The following CCDC191 variants were observed in gnomAD, a reference collection of about 807,000 sequenced individuals.
The protein encoded by CCDC191 is coiled-coil domain containing 191, also known as coiled-coil domain-containing protein 191.
A neutral mutation model predicts 114.0 loss-of-function variants in CCDC191; 99 were observed. That is an observed-to-expected ratio of 0.87 (90% confidence interval 0.74 to 1.03). CCDC191 has a LOEUF of 1.03. Ranked by LOEUF, CCDC191 falls within the 50% of genes least tolerant of loss-of-function variation. The probability of loss-of-function intolerance (pLI) is 0.00; values close to 1 mark genes in which losing one functional copy is unlikely to be tolerated. For synonymous variants in CCDC191, 351 were observed against 376.0 expected, an observed-to-expected ratio of 0.93 and a Z score of 0.77; for missense variants, 973 against 1,087.0, an observed-to-expected ratio of 0.90 and a Z score of 1.47.
chr3:114,046,616 C>T lies in CCDC191; in HGVS notation c.246G>A (p.Glu82=). 1 of 1,600,878 alleles carries T rather than the reference C, an allele frequency of 6.2e-7. No homozygotes were observed. The highest frequency in any genetic ancestry group is 8.6e-7 in the Non-Finnish European group (1 of 1,168,256). Residue 82 remains glutamate, a synonymous_variant, in exon 3 of 17, where the codon GAG becomes GAA. Coordinates refer to ENST00000295878, the MANE Select transcript of CCDC191 (RefSeq NM_020817.2). Reference sequence around the variant, plus strand: ...CTTCTGCATAGATTTCATCATGATCCTCTATTTGCTCAGATGTTTTCAAAT... The same window carrying T: ...CTTCTGCATAGATTTCATCATGATCTTCTATTTGCTCAGATGTTTTCAAAT... The part of the protein sequence containing the change: ...ITDLKTSEQI[E]DHDEIYAEAQ...
chr3:114,009,074 A>AC (rs2107676717), intron 9 of CCDC191, among the ~76,000 whole-genome samples: 2 of 152,274 alleles, frequency 1.3e-5, no homozygotes, highest in African/African-American at 2.4e-5. Context: ...AGGTACAGTA[A>AC]AAACAGTATA....
chr3:114,016,898 A>G (rs754745189), intron 8 of CCDC191, among the ~76,000 whole-genome samples: 4 of 152,134 alleles, frequency 2.6e-5, no homozygotes. Flanking sequence ...TTTATCCAAC[A>G]AATCCTGCCA....
chr3:113,971,064 C>G (rs1226846095), intron 16 of CCDC191, among the ~76,000 whole-genome samples: 1 of 152,140 alleles, frequency 6.6e-6, no homozygotes, highest in Non-Finnish European at 1.5e-5. Flanking sequence ...GATTTATAAT[C>G]CTTTGGGTAT....
chr3:113,989,028 C>T (rs1449503236), intron 13 of CCDC191, among the ~76,000 whole-genome samples: 1 of 152,118 alleles, frequency 6.6e-6, no homozygotes, highest in East Asian at 1.9e-4. Context: ...GATCTCCTGA[C>T]CTCATGATCT....
At chr3:113,998,081 G>A (rs979623574) in intron 13 of CCDC191, among the ~76,000 whole-genome samples, 1 of 151,822 alleles carries the variant, frequency 6.6e-6, no homozygotes, top group Non-Finnish European at 1.5e-5. Context: ...CGAGGCAGGC[G>A]GATCACCTGA....
chr3:114,005,440 A>C (rs1559901197), intron 10 of CCDC191, 68 bp downstream of exon 10: 45 of 1,435,538 alleles, frequency 3.1e-5, no homozygotes, highest in Admixed American at 4.5e-5. Flanking sequence ...CAGGGCAAAG[A>C]AGCTCAGGAG....
chr3:113,970,916 C>CTT (rs961899370), intron 16 of CCDC191, among the ~76,000 whole-genome samples: 3 of 152,120 alleles, frequency 2.0e-5, no homozygotes, highest in African/African-American at 7.2e-5. Context: ...TTTATGGCTG[C>CTT]TTAGTATTCC....
chr3:113,975,850 CT>C (rs1355389005), intron 16 of CCDC191, among the ~76,000 whole-genome samples: 2 of 152,152 alleles, frequency 1.3e-5, no homozygotes, highest in African/African-American at 4.8e-5. Flanking sequence ...CACAGCAATG[CT>C]TTTATATCAA....
At chr3:113,986,460 T>C (rs540499018) in intron 13 of CCDC191, among the ~76,000 whole-genome samples, 1 of 152,170 alleles carries the variant, frequency 6.6e-6, no homozygotes, top group Admixed American at 6.5e-5. Context: ...CAAAATCATA[T>C]ATCCAAGAAG....
chr3:113,984,353 G>A (rs1210305520), intron 13 of CCDC191: 1 of 152,020 alleles, frequency 6.6e-6, no homozygotes, highest in Admixed American at 6.6e-5. Flanking sequence ...ACACATCTAG[G>A]ATACAAATGA....
At chr3:113,969,059 G>T (rs1454957690) in intron 16 of CCDC191, among the ~76,000 whole-genome samples, 1 of 152,162 alleles carries the variant, frequency 6.6e-6, no homozygotes, top group Non-Finnish European at 1.5e-5. Flanking sequence ...GAAAAAGGGG[G>T]AGGGAGGTGC....
Position 114,005,494 on chromosome 3 carries a change from T to G in CCDC191, c.1868+14A>C. On this transcript the variant is annotated intron_variant, in intron 10 of 16. Coordinates refer to ENST00000295878, the MANE Select transcript of CCDC191 (RefSeq NM_020817.2). ...TTAAAATGAGTCCAGCGAGTTCTGATAGAACAGACATACTTCACAAGCATC... is the reference window on the plus strand; with the variant it reads ...TTAAAATGAGTCCAGCGAGTTCTGAGAGAACAGACATACTTCACAAGCATC... 1 of 1,589,968 alleles carries G rather than the reference T, an allele frequency of 6.3e-7. No homozygotes were observed. Among genetic ancestry groups the G allele is most frequent in the Non-Finnish European group, 8.5e-7 (1 of 1,169,906 alleles).
intron 13 of CCDC191, among the ~76,000 whole-genome samples, chr3:113,986,766 G>A (rs1287910516): frequency 1.3e-5 from 2 of 152,094 alleles, no homozygotes; most frequent in Admixed American, 6.6e-5. Context: ...TATAAGAAGC[G>A]ATACCGTGGT....
Position 114,056,476 on chromosome 3 carries a change from T to C in CCDC191, c.-10A>G. 1.2e-6 allele frequency: 2 copies of C among 1,614,056 alleles called. No individual in the cohort carries two copies. The highest frequency in any genetic ancestry group is 1.7e-6 in the Non-Finnish European group (2 of 1,180,000). ...GAGGCGCCAGGAGCATTTTCCAAGT[T>C]CGAGCCCGAACCTCGGCCAAAGCTG... On this transcript the variant is annotated 5_prime_UTR_variant, in exon 1 of 17. Transcript: ENST00000295878.
chr3:114,002,530 C>A lies in CCDC191; in HGVS notation c.1987G>T (p.Glu663Ter), dbSNP rs1439432961. ...CATTCAGCTCGTTGAATTGCTCTCT[C>A]TTCCATAGCTAGAAAATAGTAACAG... is the stretch of plus-strand genomic sequence containing the variant. The part of the protein sequence containing the change: ...TPHPILKAME[E>*]RAIQRAECRR... The change falls in exon 12 of 17, where the codon GAG becomes TAG. Residue 663 changes from glutamate (E) to a stop codon, truncating the protein, a stop_gained. Transcript: ENST00000295878. LOFTEE classifies it high-confidence loss of function. The A allele has an allele frequency of 6.2e-7, 1 of 1,607,476 alleles. No homozygotes were observed. Among genetic ancestry groups the A allele is most frequent in the Admixed American group, 1.7e-5 (1 of 59,256 alleles).
intron 5 of CCDC191, among the ~76,000 whole-genome samples, chr3:114,036,366 G>C (rs1457202788): frequency 6.6e-6 from 1 of 151,928 alleles, no homozygotes; most frequent in Non-Finnish European, 1.5e-5. Flanking sequence ...CAATACTCTT[G>C]GTCAAAATCA....
intron 16 of CCDC191, among the ~76,000 whole-genome samples, chr3:113,969,921 CTG>C (rs1940629843): frequency 6.6e-6 from 1 of 152,158 alleles, no homozygotes; most frequent in African/African-American, 2.4e-5. Context: ...TGCATTGAAT[CTG>C]TAAATTGCTT....
At chr3:113,992,794 T>G (rs1290171048) in intron 13 of CCDC191, among the ~76,000 whole-genome samples, 1 of 152,080 alleles carries the variant, frequency 6.6e-6, no homozygotes, top group Non-Finnish European at 1.5e-5. Context: ...AAGGAACACT[T>G]CCACACTCAT....
intron 7 of CCDC191, among the ~76,000 whole-genome samples, chr3:114,026,190 C>T (rs530643415): frequency 6.6e-6 from 1 of 152,248 alleles, no homozygotes; most frequent in East Asian, 1.9e-4. Context: ...AAAACACTAG[C>T]ACAATATTTA....
Sources: allele counts gnomAD v4.1 joint callset (sites outside exome capture counted in the v4.1 genomes callset), GRCh38; gene constraint gnomAD v4.1.1; transcripts MANE v1.5; gene names NCBI Gene and HGNC (gene_info 2026-07-23, HGNC 2026-07-21).